The following SAMD5 variants were observed in gnomAD, a reference collection of about 807,000 sequenced individuals.
The protein encoded by SAMD5 is sterile alpha motif domain-containing protein 5.
In SAMD5, 13 loss-of-function variants were observed where a neutral mutation model predicts 11.3. That is an observed-to-expected ratio of 1.15 (90% CI 0.75 to 1.83). The LOEUF (loss-of-function observed/expected upper bound fraction) is 1.83. Among genes scored for constraint, SAMD5 ranks in the 40% most tolerant of loss-of-function variants. The pLI, the probability that SAMD5 is intolerant of heterozygous loss-of-function variation, is 0.00. For synonymous variants in SAMD5, 129 were observed against 111.3 expected, an observed-to-expected ratio of 1.16 and a Z score of -1.00; for missense variants, 255 against 239.1, an observed-to-expected ratio of 1.07 and a Z score of -0.44.
chr6:147,564,881 T>G lies in SAMD5; in HGVS notation c.*425T>G. 1 of 895,798 alleles carries G rather than the reference T, an allele frequency of 1.1e-6. No homozygotes were observed. Among genetic ancestry groups the G allele is most frequent in the Non-Finnish European group, 1.3e-6 (1 of 748,194 alleles). The allele number at this position is 895,798 out of a possible 1,614,324, so 55.5% of individuals were successfully genotyped here. A position where few individuals can be genotyped will look rare whatever the true frequency, so the allele number is the denominator to read the frequency against. The stretch of plus-strand genomic sequence containing the variant: ...ATTATTTCCAAATTTGCTTTTAACT[T>G]GAGAACAGTAGCTTTAATTTTTATA... On this transcript the variant is annotated 3_prime_UTR_variant, in exon 2 of 2. Transcript: ENST00000367474.
the SAMD5 span, among the ~76,000 whole-genome samples, chr6:147,777,971 G>C: frequency 7.9e-5 from 12 of 152,216 alleles, no homozygotes; most frequent in African/African-American, 2.9e-4. Context: ...TGATATGGAC[G>C]TGGATGTATA....
chr6:147,879,412 G>T, the SAMD5 span, among the ~76,000 whole-genome samples: 1 of 152,128 alleles, frequency 6.6e-6, no homozygotes, highest in Non-Finnish European at 1.5e-5. Flanking sequence ...AACCCTGCTG[G>T]TAATGAAGCA....
the SAMD5 span, among the ~76,000 whole-genome samples, chr6:147,770,144 C>T: frequency 2.0e-5 from 3 of 152,306 alleles, no homozygotes; most frequent in African/African-American, 7.2e-5. Flanking sequence ...CAGCTCCCAG[C>T]TTATCCATTT....
At chr6:147,950,271 T>C in the SAMD5 span, among the ~76,000 whole-genome samples, 1 of 152,236 alleles carries the variant, frequency 6.6e-6, no homozygotes, top group African/African-American at 2.4e-5. Context: ...TTAAACCATC[T>C]TCTGTCATCC....
At chr6:147,890,696 A>G in the SAMD5 span, among the ~76,000 whole-genome samples, 1 of 152,036 alleles carries the variant, frequency 6.6e-6, no homozygotes, top group Non-Finnish European at 1.5e-5. Context: ...AATAAATTTC[A>G]TTGTTGATAC....
intron 1 of SAMD5, among the ~76,000 whole-genome samples, chr6:147,695,374 C>G (rs1036876516): frequency 1.3e-5 from 2 of 152,004 alleles, no homozygotes; most frequent in Admixed American, 1.3e-4. Flanking sequence ...CTTAGGCCAA[C>G]CGTGCATATG....
chr6:147,928,517 C>G, the SAMD5 span, among the ~76,000 whole-genome samples: 1 of 152,046 alleles, frequency 6.6e-6, no homozygotes, highest in African/African-American at 2.4e-5. Context: ...GTAACATCTT[C>G]TTTGTCATTT....
the SAMD5 span, among the ~76,000 whole-genome samples, chr6:147,862,448 C>T: frequency 6.6e-6 from 1 of 152,154 alleles, no homozygotes; most frequent in African/African-American, 2.4e-5. Flanking sequence ...TCTAAAACTG[C>T]GTGCCTACTA....
chr6:147,749,455 G>A, the SAMD5 span, among the ~76,000 whole-genome samples: 3 of 152,176 alleles, frequency 2.0e-5, 1 homozygote, highest in South Asian at 6.2e-4. Flanking sequence ...GGTGTGAGCC[G>A]CTGTGCCCAA....
chr6:147,932,877 G>A, the SAMD5 span, among the ~76,000 whole-genome samples: 8 of 152,148 alleles, frequency 5.3e-5, no homozygotes, highest in East Asian at 5.8e-4. Context: ...CTTGAACTTC[G>A]GTAAATTGAT....
At chr6:147,767,085 T>G in the SAMD5 span, among the ~76,000 whole-genome samples, 1 of 152,242 alleles carries the variant, frequency 6.6e-6, no homozygotes, top group African/African-American at 2.4e-5. Context: ...GGTGACTGTT[T>G]AACCAAAAGT....
At chr6:147,919,153 G>T in the SAMD5 span, among the ~76,000 whole-genome samples, 2 of 152,120 alleles carry the variant, frequency 1.3e-5, no homozygotes, top group African/African-American at 4.8e-5. Context: ...GTCACTAATT[G>T]TCTCATTGGT....
chr6:147,655,288 G>A (rs925308062), intron 1 of SAMD5, among the ~76,000 whole-genome samples: 23 of 152,274 alleles, frequency 1.5e-4, no homozygotes, highest in Middle Eastern at 3.4e-3. Flanking sequence ...CTGCATGACA[G>A]GAGAGATTTT....
chr6:147,773,284 T>C, the SAMD5 span, among the ~76,000 whole-genome samples: 7,497 of 152,282 alleles, frequency 0.049, 294 homozygotes, highest in Admixed American at 0.094. Context: ...TGTATCTGGA[T>C]GTCCAGGCAG....
At chr6:147,925,682 C>CTTTTTTTTTTTTTTTT in the SAMD5 span, among the ~76,000 whole-genome samples, 1 of 115,282 alleles carries the variant, frequency 8.7e-6, no homozygotes, top group Non-Finnish European at 1.8e-5. Flanking sequence ...ACTGAGAATT[C>CTTTTTTTTTTTTTTTT]TTTTTTTTTT....
At chr6:147,602,612 C>T (rs922644220) in intron 1 of SAMD5, among the ~76,000 whole-genome samples, 11 of 152,116 alleles carry the variant, frequency 7.2e-5, no homozygotes, top group South Asian at 2.1e-4. Context: ...GACATGGTGG[C>T]GGTTGCCTGT....
the SAMD5 span, among the ~76,000 whole-genome samples, chr6:147,769,992 G>T: frequency 1.3e-5 from 2 of 152,140 alleles, no homozygotes; most frequent in Non-Finnish European, 2.9e-5. Flanking sequence ...CATCCTTCCC[G>T]TAAGCTGTAG....
chr6:147,699,188 G>C (rs1408121425), intron 1 of SAMD5, among the ~76,000 whole-genome samples: 2 of 152,150 alleles, frequency 1.3e-5, no homozygotes, highest in Non-Finnish European at 2.9e-5. Context: ...TTTGACCATA[G>C]GCTCCTTGAC....
intron 1 of SAMD5, among the ~76,000 whole-genome samples, chr6:147,550,431 A>G (rs764540391): frequency 6.6e-6 from 1 of 152,214 alleles, no homozygotes; most frequent in Non-Finnish European, 1.5e-5. Flanking sequence ...AGAAATTATT[A>G]TATTAAAAGA....
Sources: allele counts gnomAD v4.1 joint callset (sites outside exome capture counted in the v4.1 genomes callset), GRCh38; gene constraint gnomAD v4.1.1; transcripts MANE v1.5; gene names NCBI Gene and HGNC (gene_info 2026-07-23, HGNC 2026-07-21).